Variants in CPNE8 observed in about 807,000 individuals in gnomAD.
CPNE8 encodes copine-8.
Under a neutral mutation model 81.5 loss-of-function variants are expected in CPNE8, and 45 were observed. That is an observed-to-expected ratio of 0.55 (90% confidence interval 0.44 to 0.71). The LOEUF (loss-of-function observed/expected upper bound fraction) is 0.71. Ranked by LOEUF, CPNE8 falls within the 30% of genes least tolerant of loss-of-function variation. The probability of loss-of-function intolerance (pLI) is 0.00; values close to 1 mark genes in which losing one functional copy is unlikely to be tolerated. For missense variants in CPNE8, 594 were observed against 672.1 expected (o/e 0.88, Z 1.28); for synonymous variants, 252 against 226.3 (o/e 1.11, Z -1.02).
chr12:38,731,511 G>C (rs900169094), intron 10 of CPNE8, among the ~76,000 whole-genome samples: 4 of 151,742 alleles, frequency 2.6e-5, no homozygotes, highest in African/African-American at 9.7e-5. Flanking sequence ...GAACTTATTT[G>C]AGAAAAAACT....
chr12:38,772,948 T>C (rs1240705533), intron 7 of CPNE8, among the ~76,000 whole-genome samples: 1 of 148,544 alleles, frequency 6.7e-6, no homozygotes, highest in Non-Finnish European at 1.5e-5. Context: ...CACACACATA[T>C]ATATGTAAAA....
At chr12:38,665,679 G>A (rs1330963790) in intron 19 of CPNE8, among the ~76,000 whole-genome samples, 1 of 152,082 alleles carries the variant, frequency 6.6e-6, no homozygotes, top group Non-Finnish European at 1.5e-5. Flanking sequence ...GAAATGATAA[G>A]CTGGCCAGCA....
intron 16 of CPNE8, among the ~76,000 whole-genome samples, chr12:38,678,945 G>A (rs769798729): frequency 1.3e-5 from 2 of 151,578 alleles, no homozygotes; most frequent in African/African-American, 2.4e-5. Context: ...AATCCAAAGC[G>A]GTTATAAACC....
chr12:38,841,690 A>G (rs1040170052), intron 4 of CPNE8, among the ~76,000 whole-genome samples: 1 of 152,206 alleles, frequency 6.6e-6, no homozygotes, highest in African/African-American at 2.4e-5. Flanking sequence ...AGCAATAAGT[A>G]TATAATAAAT....
chr12:38,749,551 T>G (rs568681690), intron 10 of CPNE8, among the ~76,000 whole-genome samples: 1 of 152,314 alleles, frequency 6.6e-6, no homozygotes, highest in South Asian at 2.1e-4. Context: ...AAAAGCCTGA[T>G]AGCGATATGG....
At chr12:38,853,003 A>T (rs993850184) in intron 3 of CPNE8, among the ~76,000 whole-genome samples, 3 of 152,192 alleles carry the variant, frequency 2.0e-5, no homozygotes, top group African/African-American at 7.2e-5. Context: ...AAAAACTTTC[A>T]GGCAGTTTTC....
intron 5 of CPNE8, among the ~76,000 whole-genome samples, chr12:38,832,400 G>C (rs1943302019): frequency 6.6e-6 from 1 of 152,144 alleles, no homozygotes; most frequent in South Asian, 2.1e-4. Flanking sequence ...TAGCTAAACT[G>C]GGACTGCTGA....
chr12:38,780,797 C>G (rs1193702077), intron 6 of CPNE8, among the ~76,000 whole-genome samples: 3 of 151,664 alleles, frequency 2.0e-5, no homozygotes, highest in Admixed American at 6.6e-5. Flanking sequence ...TACTTTGAAA[C>G]AAATAAGAAA....
intron 16 of CPNE8, among the ~76,000 whole-genome samples, chr12:38,682,668 G>A (rs1479977926): frequency 6.6e-6 from 1 of 152,098 alleles, no homozygotes; most frequent in Non-Finnish European, 1.5e-5. Flanking sequence ...GTATATGAAT[G>A]TCACAATGAA....
chr12:38,847,327 G>A (rs1427495744), intron 4 of CPNE8, among the ~76,000 whole-genome samples: 1 of 152,122 alleles, frequency 6.6e-6, no homozygotes, highest in Non-Finnish European at 1.5e-5. Context: ...AAAATTAAGA[G>A]TCCCATGCTG....
At chr12:38,867,339 T>TGTGTGTGTGTGTGAGA (rs942285728) in intron 3 of CPNE8, among the ~76,000 whole-genome samples, 2 of 122,000 alleles carry the variant, frequency 1.6e-5, no homozygotes, top group African/African-American at 6.4e-5. Context: ...TGTGTGTGTG[T>TGTGTGTGTGTGTGAGA]GAGAGAGAGA....
intron 18 of CPNE8, among the ~76,000 whole-genome samples, chr12:38,674,570 C>T (rs1454704663): frequency 3.3e-5 from 5 of 151,902 alleles, no homozygotes; most frequent in African/African-American, 7.3e-5. Flanking sequence ...AATTCATGCC[C>T]GAAGTACAAC....
intron 2 of CPNE8, among the ~76,000 whole-genome samples, chr12:38,873,993 T>C (rs1027469733): frequency 6.6e-6 from 1 of 151,546 alleles, no homozygotes; most frequent in Admixed American, 6.6e-5. Flanking sequence ...GTTGGGTGGG[T>C]CTCACTATGT....
chr12:38,805,641 A>C (rs12822533), intron 6 of CPNE8, among the ~76,000 whole-genome samples: 66,548 of 67,662 alleles, frequency 0.98, 32,763 homozygotes, highest in South Asian at 1. Context: ...TGCACATGTA[A>C]CCTAAAACTT....
At chr12:38,717,927 A>C (rs1940448366) in intron 13 of CPNE8, among the ~76,000 whole-genome samples, 1 of 152,110 alleles carries the variant, frequency 6.6e-6, no homozygotes. Context: ...TTAGTATTTT[A>C]AGTTAAAAGT....
intron 6 of CPNE8, among the ~76,000 whole-genome samples, chr12:38,817,294 C>T (rs1943041707): frequency 6.6e-6 from 1 of 152,120 alleles, no homozygotes. Flanking sequence ...TACTTATTTC[C>T]AAAACTAAAA....
At chr12:38,661,176 C>T (rs1470234570) in intron 19 of CPNE8, among the ~76,000 whole-genome samples, 1 of 152,074 alleles carries the variant, frequency 6.6e-6, no homozygotes, top group Non-Finnish European at 1.5e-5. Context: ...TATTGTGGCA[C>T]TATTCACAAT....
intron 19 of CPNE8, among the ~76,000 whole-genome samples, chr12:38,666,836 T>C (rs1368734908): frequency 2.6e-5 from 4 of 152,144 alleles, no homozygotes; most frequent in African/African-American, 9.7e-5. Context: ...TCACTTCTAA[T>C]TAGCTGGGTG....
chr12:38,658,514 G>A (rs1938876710), intron 19 of CPNE8, among the ~76,000 whole-genome samples: 1 of 152,102 alleles, frequency 6.6e-6, no homozygotes, highest in Admixed American at 6.5e-5. Context: ...AACCTAGCAA[G>A]GCAAGCCAAC....
Sources: allele counts gnomAD v4.1 joint callset (sites outside exome capture counted in the v4.1 genomes callset), GRCh38; gene constraint gnomAD v4.1.1; transcripts MANE v1.5; gene names NCBI Gene and HGNC (gene_info 2026-07-23, HGNC 2026-07-21).